Variants in HOMER2 observed in about 807,000 individuals in gnomAD.
HOMER2 encodes the protein homer protein homolog 2.
A neutral mutation model predicts 47.0 loss-of-function variants in HOMER2; 27 were observed. The observed-to-expected ratio is 0.57, with a 90% CI of 0.42 to 0.79. HOMER2 has a LOEUF of 0.79. HOMER2 is among the 30% of genes least tolerant of loss of function. The pLI is 0.00. For missense variants in HOMER2, 443 were observed against 435.0 expected (o/e 1.02, Z -0.16); for synonymous variants, 161 against 163.8 (o/e 0.98, Z 0.13).
At chr15:82,914,481 T>A (rs1247312574) in intron 1 of HOMER2, among the ~76,000 whole-genome samples, 1 of 151,814 alleles carries the variant, frequency 6.6e-6, no homozygotes, top group Non-Finnish European at 1.5e-5. Context: ...AAATATTCTA[T>A]GAGTCCACTT....
At chr15:82,977,689 A>G (rs2030252495) in intron 1 of HOMER2, among the ~76,000 whole-genome samples, 1 of 152,212 alleles carries the variant, frequency 6.6e-6, no homozygotes, top group Non-Finnish European at 1.5e-5. Flanking sequence ...ACACTCTAGC[A>G]GGAAAGAGGA....
At chr15:82,934,695 T>C (rs968625682) in intron 1 of HOMER2, among the ~76,000 whole-genome samples, 1 of 152,164 alleles carries the variant, frequency 6.6e-6, no homozygotes, top group African/African-American at 2.4e-5. Flanking sequence ...TGATGCCTTC[T>C]GCCACCTGCT....
chr15:82,957,484 TAC>T (rs2054596528), upstream of HOMER2, among the ~76,000 whole-genome samples: 1 of 152,224 alleles, frequency 6.6e-6, no homozygotes, highest in Non-Finnish European at 1.5e-5. Context: ...TAAAATTTAG[TAC>T]AGTTTGAGGA....
chr15:82,963,009 G>A (rs2054644473), intron 1 of HOMER2, among the ~76,000 whole-genome samples: 1 of 152,184 alleles, frequency 6.6e-6, no homozygotes, highest in Non-Finnish European at 1.5e-5. Context: ...GCTGGGCACA[G>A]TAGCTCACAC....
chr15:82,836,063 G>T (rs1436175163), downstream of HOMER2: 2 of 152,200 alleles, frequency 1.3e-5, no homozygotes, highest in African/African-American at 4.8e-5. Context: ...TTGAAAAAAG[G>T]ATCCTTTTCA....
At chr15:82,862,529 T>C (rs186334396) in intron 4 of HOMER2, among the ~76,000 whole-genome samples, 1 of 152,312 alleles carries the variant, frequency 6.6e-6, no homozygotes, top group Non-Finnish European at 1.5e-5. Flanking sequence ...AATATATCAC[T>C]GTACTATGCG....
chr15:82,873,470 G>A (rs868145783), intron 3 of HOMER2, among the ~76,000 whole-genome samples: 2 of 152,198 alleles, frequency 1.3e-5, no homozygotes, highest in Non-Finnish European at 1.5e-5. Flanking sequence ...CCCAGGTACC[G>A]TATCAGCCAG....
At chr15:82,941,350 G>A (rs531513643) in intron 1 of HOMER2, among the ~76,000 whole-genome samples, 2 of 148,538 alleles carry the variant, frequency 1.3e-5, no homozygotes, top group East Asian at 2.0e-4. Flanking sequence ...AGGCTGAGGC[G>A]CAAGAATCGC....
chr15:82,961,452 C>A (rs913141249), intron 1 of HOMER2, among the ~76,000 whole-genome samples: 2 of 152,238 alleles, frequency 1.3e-5, no homozygotes, highest in African/African-American at 4.8e-5. Flanking sequence ...TTGCATAATT[C>A]TCCAATCTAC....
chr15:82,874,625 G>GA (rs1365564472), intron 3 of HOMER2, among the ~76,000 whole-genome samples: 5 of 152,036 alleles, frequency 3.3e-5, no homozygotes, highest in African/African-American at 9.7e-5. Context: ...CCTCTCCCTA[G>GA]AAAAAAAGTA....
chr15:82,871,443 G>A (rs74398273), intron 3 of HOMER2, among the ~76,000 whole-genome samples: 2 of 152,302 alleles, frequency 1.3e-5, no homozygotes, highest in South Asian at 2.1e-4. Flanking sequence ...CTCAGCACAC[G>A]CCTTGGGAGC....
At chr15:82,854,864 G>A in intron 5 of HOMER2, 64 bp from the exon 6 acceptor site, 3 of 1,556,688 alleles carry the variant, frequency 1.9e-6, no homozygotes, top group Non-Finnish European at 2.6e-6. Flanking sequence ...CCGCCCGCGT[G>A]GGGAAGGGGA....
At chr15:82,891,245 G>A (rs927172775) in intron 2 of HOMER2, among the ~76,000 whole-genome samples, 1 of 152,194 alleles carries the variant, frequency 6.6e-6, no homozygotes, top group African/African-American at 2.4e-5. Flanking sequence ...CACCCGCCCC[G>A]GCCTACAAAG....
chr15:82,924,241 G>A (rs1440230464), intron 1 of HOMER2, among the ~76,000 whole-genome samples: 1 of 152,142 alleles, frequency 6.6e-6, no homozygotes, highest in Non-Finnish European at 1.5e-5. Flanking sequence ...CAGATGTGGG[G>A]CTATGGTACT....
intron 1 of HOMER2, among the ~76,000 whole-genome samples, chr15:82,921,327 C>T (rs1480862858): frequency 6.6e-6 from 1 of 152,130 alleles, no homozygotes. Flanking sequence ...CTGTGCAGGC[C>T]TTGCTCCACT....
rs796519504 is a variant in HOMER2 at position 82,940,124 on chromosome 15, G to T, written c.5+12407C>A. Among the ~76,000 whole-genome samples, 19 of 152,162 alleles carry T rather than the reference G, an allele frequency of 1.2e-4. 1 individual carries two copies. Among genetic ancestry groups the T allele is most frequent in the African/African-American group, 4.3e-4 (18 of 41,514 alleles). On this transcript the variant is annotated intron_variant, in intron 1 of 8. Coordinates refer to ENST00000450735, the MANE Select transcript of HOMER2 (RefSeq NM_004839.4). ...AGGAGATATACCTAATGTAAATGAC[G>T]AGTTAATGGGTGCAGCACACCAACA...
In HOMER2 at chr15:82,859,091, G is replaced by A. The variant is rs370161333; in HGVS notation, c.432C>T (p.Ala144=). 196 of 1,613,834 alleles carry A rather than the reference G, an allele frequency of 1.2e-4. No individual in the cohort carries two copies. The highest frequency in any genetic ancestry group is 1.5e-4 in the Non-Finnish European group (178 of 1,179,876). Residue 144 remains alanine, a synonymous_variant, in exon 5 of 9, where the codon GCC becomes GCT. Coordinates refer to ENST00000450735, the MANE Select transcript of HOMER2 (RefSeq NM_004839.4). ...NGTDDEKASH[A]GPANTHLKSE... ...ACTTCAGGTGTGTGTTGGCTGGACC[G>A]GCGTGAGAGGCCTTTTCATCGTCCG...
intron 1 of HOMER2, among the ~76,000 whole-genome samples, chr15:82,979,729 G>C (rs2030326295): frequency 6.6e-6 from 1 of 152,104 alleles, no homozygotes. Context: ...ATGGCTGCTA[G>C]GTTTCTGGCA....
rs1596301023 is a variant in HOMER2 at position 82,852,088 on chromosome 15, C to A, written c.762+54G>T. The A allele has an allele frequency of 5.5e-6, 7 of 1,277,046 alleles. No homozygotes were observed. In the East Asian group the frequency reaches 1.6e-4, roughly 30 times the overall value. 79.1% of individuals were successfully genotyped at this position (1,277,046 alleles called of 1,614,324 possible). ...GCCCCAAGACACCTGCTGTGTGCCA[C>A]CCCGCAAGGCCAAGAGGACGCCAAG... On this transcript the variant is annotated intron_variant, in intron 7 of 8. Coordinates refer to ENST00000450735, the MANE Select transcript of HOMER2 (RefSeq NM_004839.4).
Sources: allele counts gnomAD v4.1 joint callset (sites outside exome capture counted in the v4.1 genomes callset), GRCh38; gene constraint gnomAD v4.1.1; transcripts MANE v1.5; gene names NCBI Gene and HGNC (gene_info 2026-07-23, HGNC 2026-07-21).